The following SLC4A7 variants were observed in gnomAD, a reference collection of about 807,000 sequenced individuals.
The protein encoded by SLC4A7 is solute carrier family 4 member 7, also known as sodium bicarbonate cotransporter 3.
Under a neutral mutation model 137.6 loss-of-function variants are expected in SLC4A7, and 51 were observed. The observed-to-expected ratio is 0.37, with a 90% confidence interval of 0.30 to 0.47. The LOEUF (loss-of-function observed/expected upper bound fraction) is 0.47, where lower values mean the gene tolerates loss of function less well. Among genes scored for constraint, SLC4A7 ranks in the 20% least tolerant of loss-of-function variants. The pLI is 1.00. For synonymous variants in SLC4A7, 542 were observed against 518.6 expected (o/e 1.05, Z -0.61); for missense variants, 1,247 against 1,525.4 (o/e 0.82, Z 3.04).
chr3:27,449,829 T>C (rs1043102241), intron 2 of SLC4A7, among the ~76,000 whole-genome samples: 10 of 152,228 alleles, frequency 6.6e-5, no homozygotes, highest in African/African-American at 2.2e-4. Context: ...AAATGATTAA[T>C]GACATTCCTT....
intron 13 of SLC4A7, among the ~76,000 whole-genome samples, chr3:27,407,110 CTT>C (rs11312328): frequency 0.17 from 21,224 of 125,338 alleles, 1,520 homozygotes; most frequent in African/African-American, 0.23. Flanking sequence ...ATATGAAGAC[CTT>C]TTTTTTTTTT....
intron 23 of SLC4A7, among the ~76,000 whole-genome samples, chr3:27,384,882 A>T (rs1475761589): frequency 6.6e-6 from 1 of 152,036 alleles, no homozygotes; most frequent in African/African-American, 2.4e-5. Context: ...AGGTGGTTGC[A>T]GTGAGCCGAG....
intron 2 of SLC4A7, 60 bp downstream of exon 2, chr3:27,452,356 TA>T: frequency 8.9e-7 from 1 of 1,129,440 alleles, no homozygotes; most frequent in Non-Finnish European, 1.3e-6. Context: ...AAAGGATACT[TA>T]AAAACATTAA....
At chr3:27,415,478 G>A (rs1473485204) in intron 11 of SLC4A7, among the ~76,000 whole-genome samples, 1 of 152,162 alleles carries the variant, frequency 6.6e-6, no homozygotes, top group African/African-American at 2.4e-5. Flanking sequence ...AAATCCTGGT[G>A]CTCACTAATC....
chr3:27,377,800 A>T (rs946237187), intron 25 of SLC4A7, among the ~76,000 whole-genome samples: 3 of 152,230 alleles, frequency 2.0e-5, no homozygotes, highest in African/African-American at 7.2e-5. Context: ...AAGTTTTCAG[A>T]AAGTGTAAAA....
chr3:27,468,836 G>C (rs2059118559), intron 1 of SLC4A7, among the ~76,000 whole-genome samples: 1 of 152,142 alleles, frequency 6.6e-6, no homozygotes, highest in African/African-American at 2.4e-5. Flanking sequence ...AGTGGGGCGT[G>C]ATGGCTCATG....
chr3:27,431,639 A>G lies in SLC4A7; in HGVS notation c.809T>C (p.Leu270Ser), dbSNP rs780489497. The G allele has an allele frequency of 6.3e-7, 1 of 1,597,474 alleles. No individual in the cohort carries two copies. The highest frequency in any genetic ancestry group is 8.5e-7 in the Non-Finnish European group (1 of 1,171,670). ...GEGLSASRHS[L>S]RTGLSASNLS... ...GTTTGAGGCAGACAGACCTGTTCGC[A>G]AAGAGTGGCGGGAGGCTGAAAGGCC... The change falls in exon 7 of 26, where the codon TTG becomes TCG. Residue 270 changes from leucine to serine, a missense_variant. By Grantham distance (145) the Leu-to-Ser change is moderately radical. Around this residue, in one of 6 missense-constraint regions of SLC4A7, gnomAD observed 223 missense variants for 203.6 expected, o/e 1.10. Transcript: ENST00000454389.
chr3:27,409,587 A>G, intron 12 of SLC4A7, 57 bp from the exon 13 acceptor site: 1 of 1,380,352 alleles, frequency 7.2e-7, no homozygotes, highest in East Asian at 2.3e-5. Context: ...TAGCTACTTC[A>G]AACTAAAACT....
intron 1 of SLC4A7, among the ~76,000 whole-genome samples, chr3:27,465,289 C>CAA (rs11329798): frequency 2.0e-4 from 17 of 84,646 alleles, no homozygotes; most frequent in South Asian, 4.0e-4. Flanking sequence ...GACTCCGTCT[C>CAA]AAAAAAAAAA....
intron 3 of SLC4A7, among the ~76,000 whole-genome samples, chr3:27,441,352 C>T (rs1220762088): frequency 6.6e-6 from 1 of 152,046 alleles, no homozygotes; most frequent in African/African-American, 2.4e-5. Context: ...GAAGTGTTCC[C>T]TCCTCTTATG....
chr3:27,400,606 A>C (rs1044647460), intron 16 of SLC4A7, among the ~76,000 whole-genome samples, 158 bp downstream of exon 16: 2 of 152,212 alleles, frequency 1.3e-5, no homozygotes, highest in African/African-American at 4.8e-5. Flanking sequence ...CGCATGATAC[A>C]TAAAAAAGTA....
intron 1 of SLC4A7, among the ~76,000 whole-genome samples, chr3:27,474,050 C>A (rs940686240): frequency 6.6e-6 from 1 of 152,154 alleles, no homozygotes; most frequent in Non-Finnish European, 1.5e-5. Flanking sequence ...TATCTTACGC[C>A]TATTCGACTG....
At chr3:27,436,347 A>G (rs1421390434) in intron 5 of SLC4A7, 41 bp downstream of exon 5, 1 of 1,492,172 alleles carries the variant, frequency 6.7e-7, no homozygotes, top group South Asian at 1.2e-5. Context: ...CTAAAATTCC[A>G]CTACACCTTA....
At chr3:27,464,567 G>A (rs544056848) in intron 1 of SLC4A7, among the ~76,000 whole-genome samples, 2 of 152,092 alleles carry the variant, frequency 1.3e-5, no homozygotes, top group Non-Finnish European at 2.9e-5. Flanking sequence ...GTGGTGGCGG[G>A]CGCCTTTACC....
At chr3:27,399,169 T>G (rs1480517749) in intron 16 of SLC4A7, among the ~76,000 whole-genome samples, 1 of 152,168 alleles carries the variant, frequency 6.6e-6, no homozygotes, top group African/African-American at 2.4e-5. Flanking sequence ...TCACATGCCA[T>G]GTGCTGAGAT....
At chr3:27,433,838 C>T (rs1358639605) in intron 6 of SLC4A7, 78 bp downstream of exon 6, 6 of 1,259,452 alleles carry the variant, frequency 4.8e-6, no homozygotes, top group Non-Finnish European at 6.9e-6. Flanking sequence ...TAAATATCCC[C>T]AAATGTTAAT....
At chr3:27,421,812 T>C (rs2055007946) in intron 8 of SLC4A7, 33 bp from the exon 9 acceptor site, 3 of 1,552,496 alleles carry the variant, frequency 1.9e-6, no homozygotes, top group African/African-American at 1.4e-5. Context: ...AAATAAAGTT[T>C]CCGTGGTATT....
Position 27,382,570 on chromosome 3 carries a change from C to T in SLC4A7, c.3590+583G>A, listed in dbSNP as rs2050533680. On this transcript the variant is annotated intron_variant, in intron 24 of 25. Coordinates refer to ENST00000454389, the MANE Select transcript of SLC4A7 (RefSeq NM_001321103.2). ...GTTCTTAAATTTAAATATAAATCAT[C>T]AAAATCACGAATAATGAATTATACA... is the stretch of plus-strand genomic sequence containing the variant. 2.0e-5 allele frequency among the ~76,000 whole-genome samples: 3 copies of T among 152,226 alleles called. No homozygotes were observed. The South Asian group carries it at 6.2e-4, about 32-fold the overall frequency.
At chr3:27,410,368 T>C (rs542130009) in intron 12 of SLC4A7, among the ~76,000 whole-genome samples, 6 of 152,270 alleles carry the variant, frequency 3.9e-5, no homozygotes, top group African/African-American at 1.4e-4. Flanking sequence ...AAATCAGTAA[T>C]TCGTTTTAAT....
Sources: gnomAD v4.1 joint callset for allele counts (sites outside exome capture counted in the v4.1 genomes callset) on GRCh38, gnomAD v4.1.1 for gene constraint, gnomAD v4.1.1 regional missense constraint, MANE v1.5 for transcripts, NCBI Gene and HGNC (gene_info 2026-07-23, HGNC 2026-07-21) for gene names.